The following SCRN3 variants were observed in gnomAD, a reference collection of about 807,000 sequenced individuals.
SCRN3 encodes the protein secernin-3.
SCRN3 carries 39 observed loss-of-function variants against 43.1 expected under a neutral mutation model. The ratio of observed to expected loss-of-function variants is 0.91; its 90% CI spans 0.70 to 1.18. The LOEUF is 1.18. Among genes scored for constraint, SCRN3 ranks in the 50% most tolerant of loss-of-function variants. The probability of loss-of-function intolerance (pLI) is 0.00; values close to 1 mark genes in which losing one functional copy is unlikely to be tolerated. For synonymous variants in SCRN3, 147 were observed against 163.1 expected (o/e 0.90, Z 0.75); for missense variants, 484 against 498.0 (o/e 0.97, Z 0.27).
At chr2:174,399,782 G>A (rs1373607491) in intron 2 of SCRN3, 140 bp from the exon 3 acceptor site, 1 of 517,628 alleles carries the variant, frequency 1.9e-6, no homozygotes, top group African/African-American at 2.0e-5. Context: ...CTTTATTATT[G>A]AAAATTTCAA....
intron 1 of SCRN3, chr2:174,397,189 A>G (rs1685352641): frequency 1.2e-5 from 12 of 977,574 alleles, no homozygotes; most frequent in Non-Finnish European, 1.5e-5. Flanking sequence ...TTATTTAGTC[A>G]TTTTCTTTTC....
In SCRN3 at chr2:174,419,493, C is replaced by T. The variant is rs185893145; in HGVS notation, c.755-3392C>T. ...CTCCTGGGCTTAAACAATCCTCCTG[C>T]CTCAGCCTCCTGAGAAGCTGGAACT... On this transcript the variant is annotated intron_variant, in intron 5 of 7. Coordinates refer to ENST00000272732, the MANE Select transcript of SCRN3 (RefSeq NM_024583.5). Among the ~76,000 whole-genome samples the T allele has an allele frequency of 7.2e-5, 11 of 152,272 alleles. No homozygotes were observed. The East Asian group carries it at 2.1e-3, about 29-fold the overall frequency.
Position 174,404,297 on chromosome 2 carries a change from C to T in SCRN3, c.736C>T (p.Leu246Phe). Residue 246 changes from leucine (L) to phenylalanine (F), a missense_variant, in exon 5 of 8, where the codon CTT becomes TTT. Coordinates refer to ENST00000272732, the MANE Select transcript of SCRN3 (RefSeq NM_024583.5). ...AGGCAGATACTGTGAGGGCTACAAG[C>T]TTCTAAATAAGCACAAAGGTAATTT... ...SSGRYCEGYKLLNKHKGNITF... is the reference protein window; with the variant it reads ...SSGRYCEGYKFLNKHKGNITF... The T allele has an allele frequency of 6.2e-7, 1 of 1,612,298 alleles. No homozygotes were observed. The highest frequency in any genetic ancestry group is 8.5e-7 in the Non-Finnish European group (1 of 1,178,726).
At chr2:174,415,149 G>A (rs943442081) in intron 5 of SCRN3, among the ~76,000 whole-genome samples, 4 of 152,092 alleles carry the variant, frequency 2.6e-5, no homozygotes, top group African/African-American at 9.7e-5. Context: ...ACATTTGAAG[G>A]TTTTTGAAAC....
At chr2:174,417,394 ATAT>A (rs1295129275) in intron 5 of SCRN3, among the ~76,000 whole-genome samples, 1 of 152,108 alleles carries the variant, frequency 6.6e-6, no homozygotes, top group Non-Finnish European at 1.5e-5. Context: ...TGATTTAATT[ATAT>A]TATTCTTTTT....
intron 1 of SCRN3, 33 bp from the exon 2 acceptor site, chr2:174,398,241 TC>T (rs746777219): frequency 9.6e-6 from 13 of 1,351,334 alleles, no homozygotes; most frequent in South Asian, 2.8e-5. Context: ...TTAAAAGTGT[TC>T]TTTTTATTTT....
chr2:174,400,848 A>G (rs551720118), intron 3 of SCRN3, 142 bp from the exon 4 acceptor site: 2 of 702,876 alleles, frequency 2.8e-6, no homozygotes, highest in East Asian at 2.8e-5. Context: ...TCAGAAGGAA[A>G]AGTTTTAAAG....
chr2:174,409,424 G>T (rs1039262295), intron 5 of SCRN3, among the ~76,000 whole-genome samples: 22 of 147,228 alleles, frequency 1.5e-4, no homozygotes, highest in African/African-American at 5.2e-4. Context: ...GTAGCTCAGA[G>T]TAATTTGATC....
At position 174,401,104 on chromosome 2, in the gene SCRN3, T is replaced by C. The variant is rs575501914; in HGVS notation, c.456T>C (p.Tyr152=). 9.0e-5 allele frequency: 146 copies of C among 1,613,952 alleles called. 1 individual carries two copies. In the Admixed American group the frequency reaches 1.8e-3, roughly 19 times the overall value. ...CAGAGGGTAGAATGGTATTTAGCTA[T>C]CACAACAGTTTCCTGATAGCTGATA... is the stretch of plus-strand genomic sequence containing the variant. ...NCTEGRMVFS[Y]HNSFLIADRN... The change falls in exon 4 of 8, where the codon TAT becomes TAC. Residue 152 remains tyrosine, a synonymous_variant. Transcript: ENST00000272732.
chr2:174,423,639 T>G (rs1395530146), intron 6 of SCRN3, among the ~76,000 whole-genome samples: 1 of 151,982 alleles, frequency 6.6e-6, no homozygotes, highest in Non-Finnish European at 1.5e-5. Flanking sequence ...CCAGCTAATT[T>G]TTTGTATTTT....
At chr2:174,406,234 T>A (rs1201162179) in intron 5 of SCRN3, among the ~76,000 whole-genome samples, 2 of 138,378 alleles carry the variant, frequency 1.4e-5, no homozygotes, top group Non-Finnish European at 3.3e-5. Context: ...TGAATGGGAG[T>A]TCACTCATGA....
intron 7 of SCRN3, among the ~76,000 whole-genome samples, chr2:174,426,351 T>A (rs2105634716): frequency 6.6e-6 from 1 of 152,314 alleles, no homozygotes; most frequent in East Asian, 1.9e-4. Context: ...ACAAAATCCA[T>A]TTTTTTCCCA....
chr2:174,428,611 T>G lies in SCRN3; in HGVS notation c.*716T>G, dbSNP rs1453739057. 1 of 152,194 alleles carries G rather than the reference T, an allele frequency of 6.6e-6. No individual in the cohort carries two copies. Among genetic ancestry groups the G allele is most frequent in the African/African-American group, 2.4e-5 (1 of 41,462 alleles). 9.4% of individuals were successfully genotyped at this position (152,194 alleles called of 1,614,324 possible). A position where few individuals can be genotyped will look rare whatever the true frequency, so the allele number is the denominator to read the frequency against. On this transcript the variant is annotated 3_prime_UTR_variant, in exon 8 of 8. Coordinates refer to ENST00000272732, the MANE Select transcript of SCRN3 (RefSeq NM_024583.5). Reference sequence around the variant, plus strand: ...AAAGAACCAAAACCTTAGGATATACTGTTTCTGGGTCTGAAATCTCTCTCA... The same window carrying G: ...AAAGAACCAAAACCTTAGGATATACGGTTTCTGGGTCTGAAATCTCTCTCA...
intron 4 of SCRN3, among the ~76,000 whole-genome samples, chr2:174,402,896 T>C (rs1474751680): frequency 3.3e-5 from 5 of 152,304 alleles, no homozygotes; most frequent in South Asian, 2.1e-4. Context: ...TCTGTTTCAT[T>C]TAGTATAATC....
intron 5 of SCRN3, among the ~76,000 whole-genome samples, chr2:174,412,327 T>C (rs1685949246): frequency 6.6e-6 from 1 of 151,752 alleles, no homozygotes; most frequent in Non-Finnish European, 1.5e-5. Context: ...CAACAAGACA[T>C]AGCATGGGAG....
intron 5 of SCRN3, among the ~76,000 whole-genome samples, chr2:174,412,241 C>T (rs1247504665): frequency 6.6e-6 from 1 of 152,076 alleles, no homozygotes; most frequent in East Asian, 1.9e-4. Flanking sequence ...ATCCCAGAAC[C>T]GTGTACTGGG....
intron 5 of SCRN3, among the ~76,000 whole-genome samples, chr2:174,414,867 G>T (rs750977472): frequency 6.7e-6 from 1 of 150,064 alleles, no homozygotes; most frequent in African/African-American, 2.5e-5. Flanking sequence ...GGATTCCAGC[G>T]ATTCTCCTGC....
rs1340261622 is a variant in SCRN3 at position 174,395,788 on chromosome 2, A to C, written c.-39A>C. 2.2e-5 allele frequency: 34 copies of C among 1,558,998 alleles called. No homozygotes were observed. The highest frequency in any genetic ancestry group is 2.9e-5 in the Non-Finnish European group (33 of 1,150,766). ...CCACTGGCCACTCCTCCCTCCGTCC[A>C]CCTGTCACTTCGGGTAGCTGGGAGG... On this transcript the variant is annotated 5_prime_UTR_variant, in exon 1 of 8. Coordinates refer to ENST00000272732, the MANE Select transcript of SCRN3 (RefSeq NM_024583.5).
intron 1 of SCRN3, 158 bp downstream of exon 1, chr2:174,395,975 G>A: frequency 7.2e-7 from 1 of 1,384,190 alleles, no homozygotes; most frequent in Non-Finnish European, 9.3e-7. Context: ...GACCGCGGCG[G>A]CCCTTCGACC....
Sources: gnomAD v4.1 joint callset for allele counts (sites outside exome capture counted in the v4.1 genomes callset) on GRCh38, gnomAD v4.1.1 for gene constraint, MANE v1.5 for transcripts, NCBI Gene and HGNC (gene_info 2026-07-23, HGNC 2026-07-21) for gene names.